The following CCNI variants were observed in gnomAD, a reference collection of about 807,000 sequenced individuals.
CCNI encodes cyclin I, also known as cyclin-I.
In CCNI, 14 loss-of-function variants were observed where a neutral mutation model predicts 34.1. The observed-to-expected ratio is 0.41, with a 90% CI of 0.27 to 0.64. CCNI has a LOEUF of 0.64. Among genes scored for constraint, CCNI ranks in the 30% least tolerant of loss-of-function variants. CCNI has a pLI of 0.31. For synonymous variants in CCNI, 154 were observed against 158.4 expected (o/e 0.97, Z 0.21); for missense variants, 385 against 440.5 (o/e 0.87, Z 1.13).
At chr4:77,049,925 CTTAG>C (rs1395875986) in intron 6 of CCNI, among the ~76,000 whole-genome samples, 1 of 152,086 alleles carries the variant, frequency 6.6e-6, no homozygotes, top group African/African-American at 2.4e-5. Flanking sequence ...TCAAAATAAC[CTTAG>C]TTAGCATCAT....
intron 2 of CCNI, among the ~76,000 whole-genome samples, chr4:77,063,201 A>G (rs1210687857): frequency 6.6e-6 from 1 of 152,148 alleles, no homozygotes; most frequent in Non-Finnish European, 1.5e-5. Flanking sequence ...ACTGACTTCA[A>G]AATATAGTTG....
chr4:77,066,073 A>G (rs1348066777), intron 2 of CCNI, 176 bp downstream of exon 2: 6 of 565,310 alleles, frequency 1.1e-5, no homozygotes, highest in African/African-American at 9.5e-5. Flanking sequence ...AGCACTCCAG[A>G]CTGGATGACA....
At position 77,066,299 on chromosome 4, in the gene CCNI, T is replaced by G. The variant is rs764611130; in HGVS notation, c.64A>C (p.Arg22=). Residue 22 remains arginine, a synonymous_variant, in exon 2 of 7, where the codon AGG becomes CGG. Coordinates refer to ENST00000237654, the MANE Select transcript of CCNI (RefSeq NM_006835.3). ...LSFLLEKAIT[R]EAQMWKVNVR... The stretch of plus-strand genomic sequence containing the variant: ...TTCACTTTCCACATCTGTGCTTCCC[T>G]AGTGATTGCCTTTTCCAACAGGAAA... 1 of 1,614,058 alleles carries G rather than the reference T, an allele frequency of 6.2e-7. No homozygotes were observed. The highest frequency in any genetic ancestry group is 8.5e-7 in the Non-Finnish European group (1 of 1,179,880).
At chr4:77,061,871 A>G in intron 2 of CCNI, among the ~76,000 whole-genome samples, 1 of 152,032 alleles carries the variant, frequency 6.6e-6, no homozygotes, top group African/African-American at 2.4e-5. Flanking sequence ...GGGTTTCACC[A>G]TGTTAGCCAG....
chr4:77,052,571 G>A (rs1357962585), intron 6 of CCNI, among the ~76,000 whole-genome samples: 1 of 152,100 alleles, frequency 6.6e-6, no homozygotes, highest in African/African-American at 2.4e-5. Context: ...TCAAAGTGGG[G>A]GCTCAGGCAG....
intron 6 of CCNI, among the ~76,000 whole-genome samples, chr4:77,051,834 G>A (rs914446914): frequency 6.6e-6 from 1 of 152,048 alleles, no homozygotes; most frequent in African/African-American, 2.4e-5. Context: ...ATAAATGGTA[G>A]GTCCAGATGG....
chr4:77,053,033 C>T (rs757812800), intron 6 of CCNI, among the ~76,000 whole-genome samples: 21 of 152,246 alleles, frequency 1.4e-4, no homozygotes, highest in Admixed American at 4.6e-4. Flanking sequence ...AAACTACGTC[C>T]AAAGACTACC....
Position 77,066,269 on chromosome 4 carries a change from G to A in CCNI, c.94C>T (p.Arg32Trp), listed in dbSNP as rs1056837051. Residue 32 changes from arginine to tryptophan, a missense_variant, in exon 2 of 7, where the codon CGG becomes TGG. Transcript: ENST00000237654. ...ATTACCTGATTTGAAGGCATTTTCC[G>A]CACATTCACTTTCCACATCTGTGCT... ...REAQMWKVNVRKMPSNQNVSP... is the reference protein window; with the variant it reads ...REAQMWKVNVWKMPSNQNVSP... 9 of 1,613,642 alleles carry A rather than the reference G, an allele frequency of 5.6e-6. No homozygotes were observed. The highest frequency in any genetic ancestry group is 1.7e-5 in the Admixed American group (1 of 59,956).
Position 77,056,682 on chromosome 4 carries a change from T to G in CCNI, c.244-359A>C, listed in dbSNP as rs888393089. ...TCAGCTCAGTGCAAGCTCCGCCTCC[T>G]GGGTTCATGCCATTCTCCTGCCTCA... On this transcript the variant is annotated intron_variant, in intron 3 of 6. Coordinates refer to ENST00000237654, the MANE Select transcript of CCNI (RefSeq NM_006835.3). Among the ~76,000 whole-genome samples, 3 of 150,392 alleles carry G rather than the reference T, an allele frequency of 2.0e-5. No homozygotes were observed. The East Asian group carries it at 5.9e-4, about 30-fold the overall frequency.
At position 77,066,174 on chromosome 4, in the gene CCNI, C is replaced by G. The variant is rs911657200; in HGVS notation, c.114+75G>C. 5 of 1,206,944 alleles carry G rather than the reference C, an allele frequency of 4.1e-6. No homozygotes were observed. The African/African-American group carries it at 6.0e-5, about 14-fold the overall frequency. 74.8% of individuals were successfully genotyped at this position (1,206,944 alleles called of 1,614,324 possible). A position where few individuals can be genotyped will look rare whatever the true frequency, so the allele number is the denominator to read the frequency against. On this transcript the variant is annotated intron_variant, in intron 2 of 6. Coordinates refer to ENST00000237654, the MANE Select transcript of CCNI (RefSeq NM_006835.3). ...GGTACACACTCCTCCAATGTAGTGT[C>G]AAGATATTATTATGTATGGCAGTAG...
At chr4:77,051,495 A>G (rs1181160939) in intron 6 of CCNI, among the ~76,000 whole-genome samples, 2 of 147,660 alleles carry the variant, frequency 1.4e-5, no homozygotes, top group Non-Finnish European at 2.9e-5. Flanking sequence ...AAGAAATGAT[A>G]GAGCTAAAAG....
intron 2 of CCNI, among the ~76,000 whole-genome samples, chr4:77,065,607 A>T (rs911759347): frequency 6.6e-6 from 1 of 152,242 alleles, no homozygotes; most frequent in African/African-American, 2.4e-5. Flanking sequence ...CAATGGTATG[A>T]AGATGTTCAG....
intron 3 of CCNI, among the ~76,000 whole-genome samples, chr4:77,058,233 C>T (rs144425102): frequency 1.4e-4 from 21 of 152,180 alleles, no homozygotes; most frequent in African/African-American, 5.1e-4. Context: ...CACGTGTCTG[C>T]AGTCCCAACT....
chr4:77,069,929 T>C (rs1729334562), intron 1 of CCNI, among the ~76,000 whole-genome samples: 2 of 151,990 alleles, frequency 1.3e-5, no homozygotes, highest in Admixed American at 6.6e-5. Context: ...ATCTTTTCCA[T>C]AGCTGAAAAC....
Position 77,056,125 on chromosome 4 carries a change from G to T in CCNI, c.319-23C>A, listed in dbSNP as rs757264470. ...TCTCTATCCAAAGCAAAGGGGAACAGGGACAGGGAGAAAAGGACAGAAAAG... is the reference window on the plus strand; with the variant it reads ...TCTCTATCCAAAGCAAAGGGGAACATGGACAGGGAGAAAAGGACAGAAAAG... On this transcript the variant is annotated intron_variant, in intron 4 of 6. Transcript: ENST00000237654. 1.7e-5 allele frequency: 27 copies of T among 1,609,644 alleles called. No individual in the cohort carries two copies. In the South Asian group the frequency reaches 2.8e-4, roughly 16 times the overall value.
chr4:77,066,550 A>G lies in CCNI; in HGVS notation c.-43-145T>C, dbSNP rs191302497. The G allele has an allele frequency of 1.9e-3, 1,056 of 567,030 alleles. 3 individuals are homozygous for G. Among genetic ancestry groups the G allele is most frequent in the Middle Eastern group, 8.1e-3 (17 of 2,094 alleles). 35.1% of individuals were successfully genotyped at this position (567,030 alleles called of 1,614,324 possible). On this transcript the variant is annotated intron_variant, in intron 1 of 6. Coordinates refer to ENST00000237654, the MANE Select transcript of CCNI (RefSeq NM_006835.3). Reference sequence around the variant, plus strand: ...GCTCTTTAAAATATCGTATTAAAATACCAAAATAATCAGTTATCTAAAACA... The same window carrying G: ...GCTCTTTAAAATATCGTATTAAAATGCCAAAATAATCAGTTATCTAAAACA...
Position 77,055,952 on chromosome 4 carries a change from G to A in CCNI, c.459+10C>T. On this transcript the variant is annotated intron_variant, in intron 5 of 6. Transcript: ENST00000237654. The stretch of plus-strand genomic sequence containing the variant: ...CAAATAAGAAACTAAAAGACTTCAG[G>A]TATATTTACAATATGAAGAAAATCC... 1.9e-6 allele frequency: 3 copies of A among 1,600,200 alleles called. No individual in the cohort carries two copies. Among genetic ancestry groups the A allele is most frequent in the East Asian group, 2.2e-5 (1 of 44,730 alleles).
At chr4:77,074,629 C>A (rs1002765569) in intron 1 of CCNI, among the ~76,000 whole-genome samples, 11 of 152,176 alleles carry the variant, frequency 7.2e-5, no homozygotes, top group African/African-American at 2.7e-4. Flanking sequence ...GAATTGCAAG[C>A]CACTTAGGAG....
intron 1 of CCNI, among the ~76,000 whole-genome samples, chr4:77,066,882 G>A (rs1169845445): frequency 6.6e-6 from 1 of 152,090 alleles, no homozygotes; most frequent in Non-Finnish European, 1.5e-5. Flanking sequence ...CTTAAATTGC[G>A]CTTCCAATTC....
Sources: allele counts gnomAD v4.1 joint callset (sites outside exome capture counted in the v4.1 genomes callset), GRCh38; gene constraint gnomAD v4.1.1; transcripts MANE v1.5; gene names NCBI Gene and HGNC (gene_info 2026-07-23, HGNC 2026-07-21).